Variants in GPM6A observed in about 807,000 individuals in gnomAD.
The protein encoded by GPM6A is glycoprotein M6A, also known as neuronal membrane glycoprotein M6-a.
A neutral mutation model predicts 32.1 loss-of-function variants in GPM6A; 7 were observed. The observed-to-expected ratio is 0.22, with a 90% CI of 0.12 to 0.41. The LOEUF is 0.41. GPM6A is among the 10% of genes least tolerant of loss of function. GPM6A has a pLI of 1.00. For missense variants in GPM6A, 235 were observed against 347.2 expected (o/e 0.68, Z 2.57); for synonymous variants, 130 against 123.4 (o/e 1.05, Z -0.35).
At chr4:175,696,681 A>T (rs17657120) in intron 2 of GPM6A, among the ~76,000 whole-genome samples, 7,173 of 152,350 alleles carry the variant, frequency 0.047, 203 homozygotes, top group Non-Finnish European at 0.063. Context: ...TTCAGCAATT[A>T]GGTTTAATTG....
intron 1 of GPM6A, among the ~76,000 whole-genome samples, chr4:175,920,623 G>C: frequency 6.6e-6 from 1 of 152,084 alleles, no homozygotes. Context: ...CGAGGCAGGT[G>C]GATTGCCTGA....
chr4:175,873,342 T>A (rs1001959177), intron 1 of GPM6A, among the ~76,000 whole-genome samples: 1 of 152,108 alleles, frequency 6.6e-6, no homozygotes, highest in African/African-American at 2.4e-5. Flanking sequence ...ACTGTAAACA[T>A]TTTGTATTAA....
At chr4:175,843,962 C>G (rs762244093) in intron 1 of GPM6A, among the ~76,000 whole-genome samples, 3 of 152,150 alleles carry the variant, frequency 2.0e-5, no homozygotes, top group Non-Finnish European at 4.4e-5. Context: ...ATCCACCCCA[C>G]CTTTGCTATC....
chr4:175,994,689 G>T (rs568475008), intron 1 of GPM6A, among the ~76,000 whole-genome samples: 44 of 152,176 alleles, frequency 2.9e-4, no homozygotes, highest in African/African-American at 1.0e-3. Context: ...GCTGAAGGTG[G>T]TTGGGCAATT....
intron 1 of GPM6A, among the ~76,000 whole-genome samples, chr4:175,977,253 T>C (rs1740691017): frequency 6.6e-6 from 1 of 152,168 alleles, no homozygotes; most frequent in South Asian, 2.1e-4. Flanking sequence ...CTATCACAAA[T>C]TGAAAATCAG....
At chr4:175,719,698 G>A (rs951340223) in intron 1 of GPM6A, among the ~76,000 whole-genome samples, 7 of 152,020 alleles carry the variant, frequency 4.6e-5, no homozygotes, top group Non-Finnish European at 7.4e-5. Flanking sequence ...AATTGTCTAA[G>A]GTACATTTGG....
At position 175,839,614 on chromosome 4, in the gene GPM6A, A is replaced by T. The variant is rs576651474; in HGVS notation, c.-22-27365T>A. Among the ~76,000 whole-genome samples, 5 of 152,180 alleles carry T rather than the reference A, an allele frequency of 3.3e-5. No homozygotes were observed. The South Asian group carries it at 6.2e-4, about 19-fold the overall frequency. ...CAAAAATAAAAAACACTTTTTTTTT[A>T]AAATGAGAAAATATAATTTGAACAG... On this transcript the variant is annotated intron_variant, in intron 1 of 7. Coordinates refer to the GPM6A transcript ENST00000280187.
chr4:175,962,966 C>T (rs1268354373), intron 1 of GPM6A, among the ~76,000 whole-genome samples: 1 of 151,320 alleles, frequency 6.6e-6, no homozygotes, highest in East Asian at 1.9e-4. Flanking sequence ...AGCAGAAATA[C>T]AGAAACTAAG....
chr4:175,839,898 T>C (rs945880591), intron 1 of GPM6A, among the ~76,000 whole-genome samples: 1 of 152,150 alleles, frequency 6.6e-6, no homozygotes, highest in Non-Finnish European at 1.5e-5. Context: ...ATGACATCTT[T>C]AGAGATTAAT....
At chr4:175,766,813 C>A (rs562420208) in intron 1 of GPM6A, among the ~76,000 whole-genome samples, 1 of 151,978 alleles carries the variant, frequency 6.6e-6, no homozygotes, top group Non-Finnish European at 1.5e-5. Flanking sequence ...TGCCACCATG[C>A]CCGGCTAATT....
chr4:175,819,722 C>T (rs974483330), intron 1 of GPM6A, among the ~76,000 whole-genome samples: 6 of 152,238 alleles, frequency 3.9e-5, no homozygotes, highest in South Asian at 2.1e-4. Context: ...CCTGGATATC[C>T]GCCTACACTT....
chr4:175,988,067 A>C (rs1741032452), intron 1 of GPM6A, among the ~76,000 whole-genome samples: 1 of 152,168 alleles, frequency 6.6e-6, no homozygotes, highest in Non-Finnish European at 1.5e-5. Flanking sequence ...TCCCAAATCT[A>C]CCTTTATCTA....
intron 2 of GPM6A, among the ~76,000 whole-genome samples, chr4:175,680,978 A>G (rs1181139776): frequency 6.6e-6 from 1 of 152,216 alleles, no homozygotes; most frequent in Non-Finnish European, 1.5e-5. Context: ...ATGTGTATTT[A>G]CACACTATCA....
At chr4:175,897,078 GA>G (rs1737817585) in intron 1 of GPM6A, among the ~76,000 whole-genome samples, 1 of 152,006 alleles carries the variant, frequency 6.6e-6, no homozygotes, top group Admixed American at 6.6e-5. Flanking sequence ...TTAATACAGG[GA>G]ATAAGATGAA....
chr4:175,998,498 T>A (rs1741379305), intron 1 of GPM6A, among the ~76,000 whole-genome samples: 1 of 152,228 alleles, frequency 6.6e-6, no homozygotes, highest in Admixed American at 6.5e-5. Flanking sequence ...GAAATTAATT[T>A]CTTGTCCAAA....
intron 1 of GPM6A, among the ~76,000 whole-genome samples, chr4:175,956,866 C>T (rs1740004396): frequency 1.3e-5 from 2 of 152,078 alleles, no homozygotes; most frequent in Admixed American, 6.5e-5. Context: ...TCAAGGCATT[C>T]ATTATTCTCT....
intron 1 of GPM6A, among the ~76,000 whole-genome samples, chr4:175,704,589 A>G (rs1328540514): frequency 6.6e-6 from 1 of 152,190 alleles, no homozygotes; most frequent in African/African-American, 2.4e-5. Context: ...AAAAATAATA[A>G]TCATAAAAAA....
chr4:175,694,143 C>A (rs897491825), intron 2 of GPM6A, among the ~76,000 whole-genome samples: 1 of 152,172 alleles, frequency 6.6e-6, no homozygotes, highest in Non-Finnish European at 1.5e-5. Context: ...TTAACCTCTT[C>A]TTTCTAAATT....
chr4:175,727,873 G>T (rs940371543), intron 1 of GPM6A, among the ~76,000 whole-genome samples: 1 of 151,920 alleles, frequency 6.6e-6, no homozygotes, highest in African/African-American at 2.4e-5. Flanking sequence ...GCATGGTGGC[G>T]CATGCCTGTA....
Sources: gnomAD v4.1 joint callset for allele counts (sites outside exome capture counted in the v4.1 genomes callset) on GRCh38, gnomAD v4.1.1 for gene constraint, MANE v1.5 for transcripts, NCBI Gene and HGNC (gene_info 2026-07-23, HGNC 2026-07-21) for gene names.